The following SP9 variants were observed in gnomAD, a reference collection of about 807,000 sequenced individuals.
The protein encoded by SP9 is transcription factor Sp9.
A neutral mutation model predicts 23.0 loss-of-function variants in SP9; 5 were observed. That is an observed-to-expected ratio of 0.22 (90% CI 0.11 to 0.46). The LOEUF (loss-of-function observed/expected upper bound fraction) is 0.46, where lower values mean the gene tolerates loss of function less well. Among genes scored for constraint, SP9 ranks in the 20% least tolerant of loss-of-function variants. The pLI is 0.99. For missense variants in SP9, 542 were observed against 724.0 expected (o/e 0.75, Z 2.88); for synonymous variants, 360 against 356.5 (o/e 1.01, Z -0.11).
rs1209210288 is a variant in SP9 at position 174,337,247 on chromosome 2, G to GGCGAGAAGCGCTTCGCCTGTCCGGTGT, written c.1165_1191dup (p.Glu389_Cys397dup). ...GCAGCGGCATCTGCGGACTCACACGGGCGAGAAGCGCTTCGCCTGTCCGGT... is the reference window on the plus strand; with the variant it reads ...GCAGCGGCATCTGCGGACTCACACGGGCGAGAAGCGCTTCGCCTGTCCGGTGTGCGAGAAGCGCTTCGCCTGTCCGGT... On this transcript the variant is annotated inframe_insertion, in exon 2 of 2. Coordinates refer to ENST00000394967, the MANE Select transcript of SP9 (RefSeq NM_001145250.2). 3 of 1,573,136 alleles carry GGCGAGAAGCGCTTCGCCTGTCCGGTGT rather than the reference G, an allele frequency of 1.9e-6. No homozygotes were observed. Among genetic ancestry groups the GGCGAGAAGCGCTTCGCCTGTCCGGTGT allele is most frequent in the Non-Finnish European group, 2.6e-6 (3 of 1,159,722 alleles).
In SP9 at chr2:174,337,633, A is replaced by C; in HGVS notation, c.*93A>C. On this transcript the variant is annotated 3_prime_UTR_variant, in exon 2 of 2. Transcript: ENST00000394967. Reference sequence around the variant, plus strand: ...GCGAGCGAGCGGGAGGCGGGAGGGCAGGGGCTTCAGTGACGCCCCCAGGGC... The same window carrying C: ...GCGAGCGAGCGGGAGGCGGGAGGGCCGGGGCTTCAGTGACGCCCCCAGGGC... The C allele has an allele frequency of 9.5e-7, 1 of 1,047,416 alleles. No homozygotes were observed. The highest frequency in any genetic ancestry group is 5.5e-5 in the Admixed American group (1 of 18,196). The allele number at this position is 1,047,416 out of a possible 1,614,324, so 64.9% of individuals were successfully genotyped here.
rs1171661094 is a variant in SP9, at chr2:174,335,014, G to C, written c.-79G>C. On this transcript the variant is annotated 5_prime_UTR_variant, in exon 1 of 2. Transcript: ENST00000394967. ...ACGAGCGCGGGGACGCGGGAGCCGC[G>C]CGGGACCCAAGCAGTTTTTCCGAGC... The C allele has an allele frequency of 6.6e-6, 10 of 1,504,020 alleles. No homozygotes were observed. The highest frequency in any genetic ancestry group is 9.0e-6 in the Non-Finnish European group (10 of 1,106,406). 93.2% of individuals were successfully genotyped at this position (1,504,020 alleles called of 1,614,324 possible). A position where few individuals can be genotyped will look rare whatever the true frequency, so the allele number is the denominator to read the frequency against.
chr2:174,335,841 G>T, intron 1 of SP9: 1 of 479,710 alleles, frequency 2.1e-6, no homozygotes, highest in Non-Finnish European at 3.7e-6. Context: ...GGGTTGCAGC[G>T]GGGAACACGG....
intron 1 of SP9, 23 bp from the exon 2 acceptor site, chr2:174,336,084 C>A (rs1266900227): frequency 1.3e-6 from 2 of 1,545,056 alleles, no homozygotes; most frequent in South Asian, 2.4e-5. Flanking sequence ...TTCTTGCTCC[C>A]TCCCCCATCC....
rs1684422051 is a variant in SP9 at position 174,336,799 on chromosome 2, C to T, written c.714C>T (p.Gly238=). Residue 238 remains glycine, a synonymous_variant, in exon 2 of 2, where the codon GGC becomes GGT. Coordinates refer to ENST00000394967, the MANE Select transcript of SP9 (RefSeq NM_001145250.2). The part of the protein sequence containing the change: ...THSAFSSTGL[G]SSAAAASHLL... ...CCGCCTTCAGCTCCACGGGCCTCGG[C>T]TCCTCCGCCGCCGCCGCCTCCCACC... The T allele has an allele frequency of 6.5e-7, 1 of 1,530,114 alleles. No individual in the cohort carries two copies. Among genetic ancestry groups the T allele is most frequent in the East Asian group, 2.5e-5 (1 of 40,022 alleles). 94.8% of individuals were successfully genotyped at this position (1,530,114 alleles called of 1,614,324 possible).
In SP9 at chr2:174,336,905, G is replaced by T. The variant is rs978470435; in HGVS notation, c.820G>T (p.Val274Leu). ...CTCCTATTCGGACTCCAGCGCCGCC[G>T]TGGCAGCCGCCGCCGCCAGCGCCAT... ...LPSYSDSSAA[V>L]AAAAASAMIS... The change falls in exon 2 of 2, where the codon GTG becomes TTG. Residue 274 changes from valine (V) to leucine (L), a missense_variant. By Grantham distance (32) the Val-to-Leu change is conservative (BLOSUM62 1). Transcript: ENST00000394967. 6 of 1,487,874 alleles carry T rather than the reference G, an allele frequency of 4.0e-6. No individual in the cohort carries two copies. Among genetic ancestry groups the T allele is most frequent in the Non-Finnish European group, 5.3e-6 (6 of 1,126,334 alleles). 92.2% of individuals were successfully genotyped at this position (1,487,874 alleles called of 1,614,324 possible).
chr2:174,336,599 G>A lies in SP9; in HGVS notation c.514G>A (p.Val172Met). The A allele has an allele frequency of 7.0e-7, 1 of 1,425,760 alleles. No homozygotes were observed. The highest frequency in any genetic ancestry group is 1.5e-5 in the South Asian group (1 of 68,106). The allele number at this position is 1,425,760 out of a possible 1,614,324, so 88.3% of individuals were successfully genotyped here. ...CCATTCGACGCTGGCGGCCGGCGAGGTGACCAACGGCGCGGCGTCGTCGTG... is the reference window on the plus strand; with the variant it reads ...CCATTCGACGCTGGCGGCCGGCGAGATGACCAACGGCGCGGCGTCGTCGTG... ...GFHSTLAAGE[V>M]TNGAASSWWD... The change falls in exon 2 of 2, where the codon GTG (valine) becomes ATG (methionine). Residue 172 changes from valine to methionine, a missense_variant. Val to Met is a conservative substitution (Grantham distance 21, BLOSUM62 1). Around this residue, in one of 8 missense-constraint regions of SP9, gnomAD observed 144 missense variants for 158.7 expected, o/e 0.91. Coordinates refer to ENST00000394967, the MANE Select transcript of SP9 (RefSeq NM_001145250.2).
chr2:174,336,328 C>G lies in SP9; in HGVS notation c.243C>G (p.Gly81=). Residue 81 remains glycine (G), a synonymous_variant, in exon 2 of 2, where the codon GGC becomes GGG. Transcript: ENST00000394967. ...GGRGSGGLAG[G]SGAANSAFCL... ...GTGGCTCGGGCGGCCTGGCGGGCGG[C>G]TCGGGCGCCGCCAACAGCGCCTTCT... The G allele has an allele frequency of 6.7e-7, 1 of 1,498,612 alleles. No homozygotes were observed. Among genetic ancestry groups the G allele is most frequent in the Non-Finnish European group, 8.8e-7 (1 of 1,131,048 alleles). 92.8% of individuals were successfully genotyped at this position (1,498,612 alleles called of 1,614,324 possible).
rs776786461 is a variant in SP9, at chr2:174,336,721, G to A, written c.636G>A (p.Ser212=). The A allele has an allele frequency of 6.5e-7, 1 of 1,528,034 alleles. No individual in the cohort carries two copies. 94.7% of individuals were successfully genotyped at this position (1,528,034 alleles called of 1,614,324 possible). The change falls in exon 2 of 2, where the codon TCG becomes TCA. Residue 212 remains serine (S), a synonymous_variant. Transcript: ENST00000394967. The stretch of plus-strand genomic sequence containing the variant: ...TGCACTCGGGCGCCCCCCAGGCCTC[G>A]CTGCACTCGCAGCTGGGCACCTACA... ...SSLHSGAPQA[S]LHSQLGTYNP...
In SP9 at chr2:174,336,436, G is replaced by T. The variant is rs1413315794; in HGVS notation, c.351G>T (p.Ala117=). The change falls in exon 2 of 2, where the codon GCG becomes GCT. Residue 117 remains alanine, a synonymous_variant. Transcript: ENST00000394967. ...TCTCCAACTCGGCGGCTGCCGCGGCGGCAGCGGCCGGGGTGTCCCCGCAGG... is the reference window on the plus strand; with the variant it reads ...TCTCCAACTCGGCGGCTGCCGCGGCTGCAGCGGCCGGGGTGTCCCCGCAGG... ...GLFSNSAAAA[A]AAAGVSPQEA... 2.0e-6 allele frequency: 3 copies of T among 1,467,798 alleles called. No individual in the cohort carries two copies. Among genetic ancestry groups the T allele is most frequent in the East Asian group, 2.8e-5 (1 of 35,382 alleles). 90.9% of individuals were successfully genotyped at this position (1,467,798 alleles called of 1,614,324 possible). A position where few individuals can be genotyped will look rare whatever the true frequency, so the allele number is the denominator to read the frequency against.
In SP9 at chr2:174,336,413, T is replaced by G. The variant is rs1444118457; in HGVS notation, c.328T>G (p.Ser110Ala). 1 of 1,478,748 alleles carries G rather than the reference T, an allele frequency of 6.8e-7. No homozygotes were observed. 91.6% of individuals were successfully genotyped at this position (1,478,748 alleles called of 1,614,324 possible). Residue 110 changes from serine (S) to alanine (A), a missense_variant, in exon 2 of 2, where the codon TCC becomes GCC. Around this residue, in one of 8 missense-constraint regions of SP9, gnomAD observed 201 missense variants for 226.3 expected, o/e 0.89. Coordinates refer to ENST00000394967, the MANE Select transcript of SP9 (RefSeq NM_001145250.2). ...AFSSDYGGLF[S>A]NSAAAAAAAA... ...CAGCAGCGACTACGGCGGCCTCTTC[T>G]CCAACTCGGCGGCTGCCGCGGCGGC...
chr2:174,335,234 T>C (rs1224766849), intron 1 of SP9, 121 bp downstream of exon 1: 1 of 1,144,892 alleles, frequency 8.7e-7, no homozygotes, highest in Non-Finnish European at 1.3e-6. Context: ...CAGCTTCTAT[T>C]AGCACTTTCC....
At position 174,336,486 on chromosome 2, in the gene SP9, T is replaced by C. The variant is rs1684415199; in HGVS notation, c.401T>C (p.Ile134Thr). 6.7e-7 allele frequency: 1 copy of C among 1,482,268 alleles called. No homozygotes were observed. Among genetic ancestry groups the C allele is most frequent in the Non-Finnish European group, 8.9e-7 (1 of 1,121,800 alleles). The allele number at this position is 1,482,268 out of a possible 1,614,324, so 91.8% of individuals were successfully genotyped here. ...PQEAGGQSAF[I>T]SKVHTTAADG... is the part of the protein sequence containing the mutation. The stretch of plus-strand genomic sequence containing the variant: ...GAGGCGGGTGGCCAGTCGGCCTTCA[T>C]TTCCAAGGTGCACACGACGGCAGCC... The change falls in exon 2 of 2, where the codon ATT (isoleucine) becomes ACT (threonine). Residue 134 changes from isoleucine (I) to threonine (T), a missense_variant. Coordinates refer to ENST00000394967, the MANE Select transcript of SP9 (RefSeq NM_001145250.2).
rs1230509421 is a variant in SP9, at chr2:174,336,382, C to T, written c.297C>T (p.Ser99=). Residue 99 remains serine (S), a synonymous_variant, in exon 2 of 2, where the codon TCC becomes TCT. Coordinates refer to ENST00000394967, the MANE Select transcript of SP9 (RefSeq NM_001145250.2). ...TGGCCTCCACGTCGCCCACGTCGTC[C>T]GCCTTCAGCAGCGACTACGGCGGCC... ...FCLASTSPTS[S]AFSSDYGGLF... is the part of the protein sequence containing the mutation. 1 of 1,492,608 alleles carries T rather than the reference C, an allele frequency of 6.7e-7. No individual in the cohort carries two copies. Among genetic ancestry groups the T allele is most frequent in the South Asian group, 1.3e-5 (1 of 79,252 alleles). The allele number at this position is 1,492,608 out of a possible 1,614,324, so 92.5% of individuals were successfully genotyped here. A position where few individuals can be genotyped will look rare whatever the true frequency, so the allele number is the denominator to read the frequency against.
chr2:174,335,996 C>T (rs1319724556), intron 1 of SP9, 111 bp from the exon 2 acceptor site: 3 of 1,042,786 alleles, frequency 2.9e-6, no homozygotes, highest in East Asian at 2.9e-5. Flanking sequence ...AGCCAGGACC[C>T]CCCGGGAGCA....
rs1033198944 is a variant in SP9 at position 174,337,262 on chromosome 2, G to A, written c.1177G>A (p.Ala393Thr). 6.4e-6 allele frequency: 10 copies of A among 1,565,088 alleles called. No homozygotes were observed. Among genetic ancestry groups the A allele is most frequent in the African/African-American group, 1.4e-5 (1 of 73,516 alleles). Residue 393 changes from alanine to threonine, a missense_variant, in exon 2 of 2, where the codon GCC (alanine) becomes ACC (threonine). Transcript: ENST00000394967. ...LRTHTGEKRF[A>T]CPVCNKRFMR... ...GACTCACACGGGCGAGAAGCGCTTCGCCTGTCCGGTGTGCAACAAGCGCTT... is the reference window on the plus strand; with the variant it reads ...GACTCACACGGGCGAGAAGCGCTTCACCTGTCCGGTGTGCAACAAGCGCTT...
Position 174,337,442 on chromosome 2 carries a change from G to C in SP9, c.1357G>C (p.Ala453Pro). 3.8e-6 allele frequency: 5 copies of C among 1,324,076 alleles called. No individual in the cohort carries two copies. The highest frequency in any genetic ancestry group is 4.8e-6 in the Non-Finnish European group (5 of 1,034,062). The allele number at this position is 1,324,076 out of a possible 1,614,324, so 82.0% of individuals were successfully genotyped here. The change falls in exon 2 of 2, where the codon GCC becomes CCC. Residue 453 changes from alanine to proline, a missense_variant. Around this residue, in one of 8 missense-constraint regions of SP9, gnomAD observed 55 missense variants for 56.1 expected, o/e 0.98. Coordinates refer to ENST00000394967, the MANE Select transcript of SP9 (RefSeq NM_001145250.2). Reference protein sequence around the residue: ...LILHDSGVSAARAAAAAAAAA... With the variant: ...LILHDSGVSAPRAAAAAAAAA... ...CCTGCATGACTCCGGCGTCAGTGCC[G>C]CCCGGGCGGCGGCAGCGGCGGCGGC...
chr2:174,336,789 C>T lies in SP9; in HGVS notation c.704C>T (p.Thr235Met). ...CTCACGCACTCCGCCTTCAGCTCCA[C>T]GGGCCTCGGCTCCTCCGCCGCCGCC... ...SSLTHSAFSSTGLGSSAAAAS... is the reference protein window; with the variant it reads ...SSLTHSAFSSMGLGSSAAAAS... The change falls in exon 2 of 2, where the codon ACG becomes ATG. Residue 235 changes from threonine to methionine, a missense_variant. This residue lies in a region of SP9 where 144 missense variants were observed against 158.7 expected (regional missense o/e 0.91). Coordinates refer to ENST00000394967, the MANE Select transcript of SP9 (RefSeq NM_001145250.2). 3 of 1,530,456 alleles carry T rather than the reference C, an allele frequency of 2.0e-6. No homozygotes were observed. Among genetic ancestry groups the T allele is most frequent in the Non-Finnish European group, 8.7e-7 (1 of 1,144,422 alleles). 94.8% of individuals were successfully genotyped at this position (1,530,456 alleles called of 1,614,324 possible).
At chr2:174,335,788 G>T (rs1684397362) in intron 1 of SP9, 1 of 348,266 alleles carries the variant, frequency 2.9e-6, no homozygotes, top group South Asian at 4.6e-5. Context: ...TCTTCTGGGA[G>T]ATGAGCCGGT....
Sources: allele counts gnomAD v4.1 joint callset, GRCh38; gene constraint gnomAD v4.1.1; regional missense constraint gnomAD v4.1.1; transcripts MANE v1.5; gene names NCBI Gene and HGNC (gene_info 2026-07-23, HGNC 2026-07-21).